TBC1D8: variants seen among roughly 807,000 people sequenced by gnomAD.
The protein encoded by TBC1D8 is TBC1 domain family member 8.
TBC1D8 carries 65 observed loss-of-function variants against 118.8 expected under a neutral mutation model. The observed-to-expected ratio is 0.55, with a 90% confidence interval of 0.45 to 0.67. TBC1D8 has a LOEUF of 0.67. Ranked by LOEUF, TBC1D8 falls within the 30% of genes least tolerant of loss-of-function variation. The pLI, the probability that TBC1D8 is intolerant of heterozygous loss-of-function variation, is 0.00. For missense variants in TBC1D8, 1,376 were observed against 1,471.2 expected (o/e 0.94, Z 1.06); for synonymous variants, 566 against 595.8 (o/e 0.95, Z 0.73).
At chr2:101,067,873 T>C (rs1263289652) in intron 2 of TBC1D8, among the ~76,000 whole-genome samples, 3 of 152,228 alleles carry the variant, frequency 2.0e-5, no homozygotes, top group African/African-American at 7.2e-5. Context: ...AACTGCTGCT[T>C]TATGAACTAA....
At chr2:101,029,926 T>C in intron 11 of TBC1D8, 150 bp from the exon 12 acceptor site, 1 of 750,642 alleles carries the variant, frequency 1.3e-6, no homozygotes, top group South Asian at 2.1e-5. Flanking sequence ...ATTCTGACTT[T>C]TAGACCAAGG....
At chr2:101,050,930 GGT>G (rs1332225088) in intron 4 of TBC1D8, among the ~76,000 whole-genome samples, 89 of 152,154 alleles carry the variant, frequency 5.8e-4, no homozygotes, top group African/African-American at 2.1e-3. Context: ...CCCTCAAATG[GGT>G]GCCTATGTCA....
intron 1 of TBC1D8, among the ~76,000 whole-genome samples, chr2:101,122,152 A>G (rs1427419002): frequency 1.4e-5 from 2 of 145,918 alleles, no homozygotes; most frequent in African/African-American, 5.1e-5. Flanking sequence ...GCTCACTACA[A>G]CCTCTGCCTC....
At chr2:101,022,863 C>T (rs1267331900) in intron 15 of TBC1D8, among the ~76,000 whole-genome samples, 1 of 152,048 alleles carries the variant, frequency 6.6e-6, no homozygotes, top group African/African-American at 2.4e-5. Context: ...ACTTTTTTGG[C>T]CAGGCGTGGT....
rs1675277450 is a variant in TBC1D8 at position 101,081,700 on chromosome 2, G to A, written c.283+8509C>T. Among the ~76,000 whole-genome samples the A allele has an allele frequency of 2.6e-5, 4 of 152,196 alleles. No homozygotes were observed. The South Asian group carries it at 8.3e-4, about 31-fold the overall frequency. ...TGCCTCAGTTAATCTACAGGAAAAG[G>A]AGTCCAATTATTGCATAATCAATTC... On this transcript the variant is annotated intron_variant, in intron 2 of 19. Transcript: ENST00000409318.
intron 1 of TBC1D8, among the ~76,000 whole-genome samples, chr2:101,096,079 A>T (rs1476162881): frequency 3.9e-5 from 6 of 152,068 alleles, no homozygotes; most frequent in Admixed American, 3.9e-4. Context: ...TGTTGTTTTA[A>T]ATTTTTTTAT....
chr2:101,089,605 T>A (rs1161618242), intron 2 of TBC1D8, among the ~76,000 whole-genome samples: 1 of 152,090 alleles, frequency 6.6e-6, no homozygotes, highest in African/African-American at 2.4e-5. Context: ...AGCCCCCAGC[T>A]GTCCAGTGAC....
chr2:101,086,114 CCT>C (rs1208704486), intron 2 of TBC1D8, among the ~76,000 whole-genome samples: 2 of 150,508 alleles, frequency 1.3e-5, no homozygotes, highest in Non-Finnish European at 2.9e-5. Context: ...TGCACTCTAG[CCT>C]GTGCAACAGA....
chr2:101,016,752 T>G (rs1174697634), intron 17 of TBC1D8, among the ~76,000 whole-genome samples: 2 of 152,130 alleles, frequency 1.3e-5, no homozygotes, highest in Middle Eastern at 3.2e-3. Flanking sequence ...CCATAAAAAA[T>G]GATGAGTTCA....
intron 1 of TBC1D8, among the ~76,000 whole-genome samples, chr2:101,113,573 C>A (rs1379010539): frequency 6.6e-6 from 1 of 152,150 alleles, no homozygotes; most frequent in Non-Finnish European, 1.5e-5. Context: ...GCCTGACAGC[C>A]CTGTATGCTA....
At chr2:101,029,429 G>T in intron 12 of TBC1D8, 62 bp downstream of exon 12, 1 of 1,541,292 alleles carries the variant, frequency 6.5e-7, no homozygotes, top group Non-Finnish European at 8.8e-7. Flanking sequence ...CGATAGCCCT[G>T]CTGGGCACGT....
intron 1 of TBC1D8, among the ~76,000 whole-genome samples, chr2:101,146,605 T>C (rs892968236): frequency 1.3e-5 from 2 of 152,242 alleles, no homozygotes; most frequent in African/African-American, 4.8e-5. Flanking sequence ...CACACTGTAA[T>C]TGTACATATT....
At chr2:101,014,983 A>G (rs1035602764) in intron 17 of TBC1D8, among the ~76,000 whole-genome samples, 9 of 141,174 alleles carry the variant, frequency 6.4e-5, no homozygotes, top group Non-Finnish European at 7.8e-5. Context: ...TTATAGAGTC[A>G]TGTGTCAATG....
intron 1 of TBC1D8, among the ~76,000 whole-genome samples, chr2:101,135,128 C>T (rs1415366896): frequency 6.6e-6 from 1 of 152,012 alleles, no homozygotes; most frequent in Non-Finnish European, 1.5e-5. Context: ...GCCGAGATCG[C>T]GCCACTGCAC....
chr2:101,099,811 TC>T (rs754385069), intron 1 of TBC1D8, among the ~76,000 whole-genome samples: 9 of 152,190 alleles, frequency 5.9e-5, no homozygotes, highest in African/African-American at 1.7e-4. Flanking sequence ...AAATTCAACA[TC>T]CCTTCATGTT....
At chr2:101,135,936 T>G (rs1411880195) in intron 1 of TBC1D8, among the ~76,000 whole-genome samples, 1 of 152,204 alleles carries the variant, frequency 6.6e-6, no homozygotes, top group African/African-American at 2.4e-5. Flanking sequence ...CTTGGTTCAC[T>G]GCAACCTCTG....
chr2:101,043,782 A>C (rs1221766956), intron 5 of TBC1D8, among the ~76,000 whole-genome samples: 1 of 152,140 alleles, frequency 6.6e-6, no homozygotes, highest in Non-Finnish European at 1.5e-5. Flanking sequence ...TCTACTAAAA[A>C]TACAAAAATT....
intron 1 of TBC1D8, among the ~76,000 whole-genome samples, chr2:101,141,003 C>A (rs541241642): frequency 6.6e-6 from 1 of 152,024 alleles, no homozygotes; most frequent in African/African-American, 2.4e-5. Flanking sequence ...CTCAGGTGAT[C>A]CACCCACCTC....
intron 5 of TBC1D8, among the ~76,000 whole-genome samples, chr2:101,047,772 C>G (rs1474816326): frequency 6.6e-6 from 1 of 152,210 alleles, no homozygotes; most frequent in East Asian, 1.9e-4. Context: ...CCTCTTCTTT[C>G]TGATAATTCC....
Sources: allele counts gnomAD v4.1 joint callset (sites outside exome capture counted in the v4.1 genomes callset), GRCh38; gene constraint gnomAD v4.1.1; transcripts MANE v1.5; gene names NCBI Gene and HGNC (gene_info 2026-07-23, HGNC 2026-07-21).